Variants in TEK observed in about 807,000 individuals in gnomAD.
The protein encoded by TEK is angiopoietin-1 receptor.
A neutral mutation model predicts 131.8 loss-of-function variants in TEK; 43 were observed. That is an observed-to-expected ratio of 0.33 (90% CI 0.26 to 0.42). The LOEUF (loss-of-function observed/expected upper bound fraction) is 0.42. Ranked by LOEUF, TEK falls within the 10% of genes least tolerant of loss-of-function variation. TEK has a pLI of 1.00. For synonymous variants in TEK, 580 were observed against 491.6 expected, an observed-to-expected ratio of 1.18 and a Z score of -2.38; for missense variants, 1,162 against 1,384.4, an observed-to-expected ratio of 0.84 and a Z score of 2.55.
chr9:27,211,126 A>AT (rs1480505027), intron 16 of TEK, among the ~76,000 whole-genome samples: 27 of 143,894 alleles, frequency 1.9e-4, no homozygotes, highest in Non-Finnish European at 2.5e-4. Flanking sequence ...AGTTTAAAAA[A>AT]AAATATATAT....
intron 11 of TEK, among the ~76,000 whole-genome samples, chr9:27,193,465 G>T (rs902090724): frequency 1.3e-5 from 2 of 152,158 alleles, no homozygotes; most frequent in Non-Finnish European, 2.9e-5. Flanking sequence ...CTTCTCAGTG[G>T]TGTTTGGTAT....
At chr9:27,189,168 G>A (rs758890005) in intron 9 of TEK, among the ~76,000 whole-genome samples, 1 of 152,148 alleles carries the variant, frequency 6.6e-6, no homozygotes, top group African/African-American at 2.4e-5. Flanking sequence ...TGGGCCAAGG[G>A]AACTATAGAG....
At chr9:27,218,871 C>G (rs2131242920) in intron 20 of TEK, 54 bp downstream of exon 20, 1 of 1,511,408 alleles carries the variant, frequency 6.6e-7, no homozygotes, top group South Asian at 1.1e-5. Context: ...TGAGTGGAAG[C>G]CTCTAGCACT....
At chr9:27,173,921 C>T (rs1253899543) in intron 6 of TEK, among the ~76,000 whole-genome samples, 2 of 139,922 alleles carry the variant, frequency 1.4e-5, no homozygotes, top group Non-Finnish European at 3.1e-5. Flanking sequence ...CAGAGTGAGA[C>T]CTCGTTTAAA....
At chr9:27,181,763 T>A (rs654422) in intron 7 of TEK, among the ~76,000 whole-genome samples, 13,799 of 152,280 alleles carry the variant, frequency 0.091, 720 homozygotes, top group Non-Finnish European at 0.11. Flanking sequence ...TGTCGTAGAA[T>A]ATACTTTTTA....
rs149093283 is a variant in TEK, at chr9:27,159,597, T to C, written c.364+1455T>C. 2.0e-5 allele frequency among the ~76,000 whole-genome samples: 3 copies of C among 152,322 alleles called. No individual in the cohort carries two copies. In the East Asian group the frequency reaches 5.8e-4, roughly 29 times the overall value. ...AAAGCCTCCTCTAAGGGAGGATTAT[T>C]AAGACTTGCTACCACCCCACAAGGT... On this transcript the variant is annotated intron_variant, in intron 2 of 22. Transcript: ENST00000380036.
At chr9:27,192,125 G>A (rs1048862612) in intron 10 of TEK, among the ~76,000 whole-genome samples, 2 of 152,188 alleles carry the variant, frequency 1.3e-5, no homozygotes, top group African/African-American at 4.8e-5. Flanking sequence ...ATTGCAATCA[G>A]TGTACATACT....
chr9:27,165,953 C>T (rs752471625), intron 2 of TEK, among the ~76,000 whole-genome samples: 8 of 152,388 alleles, frequency 5.2e-5, no homozygotes, highest in African/African-American at 9.6e-5. Context: ...GAGCATGGTT[C>T]GGAGGCATCT....
rs1170431970 is a variant in TEK at position 27,114,146 on chromosome 9, A to G, written c.52+4504A>G. ...TTATTTCTTTTCTATTCTCATTAGT[A>G]CATGTATTTAATGTTTAGTAATTTC... On this transcript the variant is annotated intron_variant, in intron 1 of 22. Coordinates refer to ENST00000380036, the MANE Select transcript of TEK (RefSeq NM_000459.5). Among the ~76,000 whole-genome samples the G allele has an allele frequency of 2.6e-5, 4 of 152,260 alleles. No individual in the cohort carries two copies. In the East Asian group the frequency reaches 5.8e-4, roughly 22 times the overall value.
Position 27,218,754 on chromosome 9 carries a change from TTTCACAC to T in TEK, c.3063-20_3063-14del, listed in dbSNP as rs773293811. On this transcript the variant is annotated splice_polypyrimidine_tract_variant and intron_variant, in intron 19 of 22. Transcript: ENST00000380036. ...GGTGACTCTGTTTGCTGATTGTTGG[TTTCACAC>T]TTGTCCCTCCTGCAGATGGTCCTAT... 13 of 1,613,968 alleles carry T rather than the reference TTTCACAC, an allele frequency of 8.1e-6. No homozygotes were observed. The highest frequency in any genetic ancestry group is 1.1e-5 in the Non-Finnish European group (13 of 1,179,868).
chr9:27,136,085 A>AT lies in TEK; in HGVS notation c.53-21732dup, dbSNP rs36023271. Among the ~76,000 whole-genome samples, 1,288 of 136,992 alleles carry AT rather than the reference A, an allele frequency of 9.4e-3. 25 individuals are homozygous for AT. Among genetic ancestry groups the AT allele is most frequent in the African/African-American group, 0.018 (647 of 36,842 alleles). The allele number at this position is 136,992 out of a possible 152,430, so 89.9% of individuals were successfully genotyped here. A position where few individuals can be genotyped will look rare whatever the true frequency, so the allele number is the denominator to read the frequency against. On this transcript the variant is annotated intron_variant, in intron 1 of 22. Transcript: ENST00000380036. ...TCCTCTGTGAATTCCCAGGGCAGTTATTTTTTTTTTTTTTGAGATGGAGTC... is the reference window on the plus strand; with the variant it reads ...TCCTCTGTGAATTCCCAGGGCAGTTATTTTTTTTTTTTTTTGAGATGGAGTC...
At chr9:27,154,486 A>G (rs902078183) in intron 1 of TEK, among the ~76,000 whole-genome samples, 2 of 152,202 alleles carry the variant, frequency 1.3e-5, no homozygotes, top group African/African-American at 4.8e-5. Context: ...CAGTACACAC[A>G]AGCATATAGG....
chr9:27,175,404 T>G (rs938055872), intron 6 of TEK, among the ~76,000 whole-genome samples: 6 of 151,662 alleles, frequency 4.0e-5, no homozygotes, highest in Non-Finnish European at 8.8e-5. Context: ...ACATTTGGGT[T>G]GGTTCCAAGT....
Position 27,226,824 on chromosome 9 carries a change from A to T in TEK, c.3201-1382A>T, listed in dbSNP as rs58354551. Among the ~76,000 whole-genome samples, 631 of 152,318 alleles carry T rather than the reference A, an allele frequency of 4.1e-3. 35 individuals are homozygous for T. The East Asian group carries it at 0.086, about 21-fold the overall frequency. On this transcript the variant is annotated intron_variant, in intron 21 of 22. Coordinates refer to ENST00000380036, the MANE Select transcript of TEK (RefSeq NM_000459.5). Reference sequence around the variant, plus strand: ...TCCAAGGGTAAGAATAATGAACTGTAGTGATACCAGCATTCCCAGAACTAT... The same window carrying T: ...TCCAAGGGTAAGAATAATGAACTGTTGTGATACCAGCATTCCCAGAACTAT...
At chr9:27,190,781 C>T in intron 10 of TEK, 91 bp downstream of exon 10, 1 of 1,526,648 alleles carries the variant, frequency 6.6e-7, no homozygotes, top group South Asian at 1.1e-5. Context: ...CTCCCTGCCT[C>T]AATCCTCTAC....
At chr9:27,111,786 A>G (rs1472031243) in intron 1 of TEK, among the ~76,000 whole-genome samples, 1 of 152,336 alleles carries the variant, frequency 6.6e-6, no homozygotes, top group Admixed American at 6.5e-5. Context: ...ATATGTAGAA[A>G]ACTAACAAAA....
At chr9:27,137,878 T>C (rs36090003) in intron 1 of TEK, among the ~76,000 whole-genome samples, 78,314 of 151,786 alleles carry the variant, frequency 0.52, 21,147 homozygotes, top group African/African-American at 0.56. Flanking sequence ...GGGTTCTTGG[T>C]CTCACTGTGG....
intron 1 of TEK, among the ~76,000 whole-genome samples, chr9:27,116,209 C>T (rs969200216): frequency 2.0e-5 from 3 of 152,060 alleles, no homozygotes; most frequent in Non-Finnish European, 2.9e-5. Context: ...AATGGTGGTG[C>T]CATTCAGTGT....
chr9:27,165,660 A>G (rs1348097911), intron 2 of TEK, among the ~76,000 whole-genome samples: 3 of 152,214 alleles, frequency 2.0e-5, no homozygotes, highest in East Asian at 1.9e-4. Context: ...TTACTTTTCA[A>G]TTACACATGA....
Sources: allele counts gnomAD v4.1 joint callset (sites outside exome capture counted in the v4.1 genomes callset), GRCh38; gene constraint gnomAD v4.1.1; transcripts MANE v1.5; gene names NCBI Gene and HGNC (gene_info 2026-07-23, HGNC 2026-07-21).